The following SNRNP48 variants were observed in gnomAD, a reference collection of about 807,000 sequenced individuals.
SNRNP48 encodes the protein small nuclear ribonucleoprotein U11/U12 subunit 48.
Under a neutral mutation model 47.0 loss-of-function variants are expected in SNRNP48, and 43 were observed. The ratio of observed to expected loss-of-function variants is 0.92; its 90% CI spans 0.72 to 1.18. The LOEUF is 1.18. Ranked by LOEUF, SNRNP48 falls within the 50% of genes most tolerant of loss-of-function variation. The pLI, the probability that SNRNP48 is intolerant of heterozygous loss-of-function variation, is 0.00. For synonymous variants in SNRNP48, 138 were observed against 144.0 expected (o/e 0.96, Z 0.30); for missense variants, 396 against 422.2 (o/e 0.94, Z 0.54).
rs551639137 is a variant in SNRNP48, at chr6:7,596,699, G to A, written c.406+1598G>A. Among the ~76,000 whole-genome samples the A allele has an allele frequency of 1.2e-4, 18 of 152,240 alleles. 1 individual carries two copies. In the South Asian group the frequency reaches 3.7e-3, roughly 32 times the overall value. On this transcript the variant is annotated intron_variant, in intron 4 of 8. Coordinates refer to ENST00000342415, the MANE Select transcript of SNRNP48 (RefSeq NM_152551.4). Reference sequence around the variant, plus strand: ...TTTTGTCCCTGTCAGGGAAATTCCAGGTTTTTTTCTTTGAGGGAGACAGTT... The same window carrying A: ...TTTTGTCCCTGTCAGGGAAATTCCAAGTTTTTTTCTTTGAGGGAGACAGTT...
chr6:7,603,480 C>T (rs992512394), intron 6 of SNRNP48, among the ~76,000 whole-genome samples: 10 of 152,156 alleles, frequency 6.6e-5, no homozygotes, highest in African/African-American at 1.7e-4. Flanking sequence ...CATAATCTGG[C>T]CTCCTTTTCC....
intron 4 of SNRNP48, among the ~76,000 whole-genome samples, chr6:7,595,597 A>G (rs1293099735): frequency 6.6e-6 from 1 of 152,218 alleles, no homozygotes; most frequent in Non-Finnish European, 1.5e-5. Context: ...CATGTAAGTC[A>G]AGGAACATCT....
intron 1 of SNRNP48, 146 bp downstream of exon 1, chr6:7,590,559 A>T (rs2113711421): frequency 1.0e-6 from 1 of 984,760 alleles, no homozygotes; most frequent in Middle Eastern, 3.5e-4. Flanking sequence ...CTGGGACCCG[A>T]GGGGCGCCGG....
Position 7,590,397 on chromosome 6 carries a change from A to G in SNRNP48, c.140A>G (p.Glu47Gly). 1 of 1,323,498 alleles carries G rather than the reference A, an allele frequency of 7.6e-7. No individual in the cohort carries two copies. The highest frequency in any genetic ancestry group is 9.8e-7 in the Non-Finnish European group (1 of 1,024,790). The allele number at this position is 1,323,498 out of a possible 1,614,324, so 82.0% of individuals were successfully genotyped here. The change falls in exon 1 of 9, where the codon GAA (glutamate) becomes GGA (glycine). Residue 47 changes from glutamate to glycine, a missense_variant. Glu to Gly is a moderately conservative substitution (Grantham distance 98, BLOSUM62 -2). Coordinates refer to ENST00000342415, the MANE Select transcript of SNRNP48 (RefSeq NM_152551.4). ...GWDLDSLDPG[E>G]EEAAEDEVVI... ...GACCTAGATAGTCTGGATCCCGGGG[A>G]AGAGGAGGCGGCGGAGGTGAGGAGC...
At chr6:7,606,553 T>G (rs987336064) in intron 8 of SNRNP48, among the ~76,000 whole-genome samples, 7 of 152,222 alleles carry the variant, frequency 4.6e-5, no homozygotes, top group Admixed American at 1.3e-4. Flanking sequence ...TCTCTTATTC[T>G]TTCTTTCTTT....
At chr6:7,605,374 A>C in intron 6 of SNRNP48, 24 bp from the exon 7 acceptor site, 1 of 1,602,802 alleles carries the variant, frequency 6.2e-7, no homozygotes, top group Non-Finnish European at 8.5e-7. Flanking sequence ...TCTTACCTGA[A>C]GTTCGGTGCT....
At chr6:7,606,269 AC>A in intron 8 of SNRNP48, 74 bp downstream of exon 8, 1 of 1,380,822 alleles carries the variant, frequency 7.2e-7, no homozygotes, top group South Asian at 1.5e-5. Flanking sequence ...TCTGTTGTAG[AC>A]CATGCTGAGA....
intron 4 of SNRNP48, among the ~76,000 whole-genome samples, chr6:7,596,166 G>A (rs187708684): frequency 2.6e-5 from 4 of 152,088 alleles, no homozygotes; most frequent in Middle Eastern, 3.4e-3. Flanking sequence ...TCAGGAGACC[G>A]AGGCAGGAAG....
chr6:7,591,338 T>C (rs549389930), intron 1 of SNRNP48, among the ~76,000 whole-genome samples: 8 of 152,318 alleles, frequency 5.3e-5, no homozygotes, highest in African/African-American at 1.9e-4. Flanking sequence ...TGATTTTTGT[T>C]TTTTTGTGGG....
At chr6:7,593,255 A>T (rs1197454743) in intron 1 of SNRNP48, among the ~76,000 whole-genome samples, 1 of 152,122 alleles carries the variant, frequency 6.6e-6, no homozygotes, top group Non-Finnish European at 1.5e-5. Context: ...TAGGATATTT[A>T]GAGGAGACCA....
intron 4 of SNRNP48, among the ~76,000 whole-genome samples, chr6:7,598,186 C>T (rs1356351027): frequency 2.7e-5 from 4 of 150,370 alleles, no homozygotes; most frequent in African/African-American, 9.7e-5. Context: ...TTTATATGAT[C>T]TTCAACCTTC....
intron 3 of SNRNP48, 82 bp downstream of exon 3, chr6:7,594,241 T>A: frequency 1.6e-6 from 1 of 621,432 alleles, no homozygotes; most frequent in Non-Finnish European, 2.6e-6. Flanking sequence ...AAGAATGGAT[T>A]GTATAAGCAT....
chr6:7,601,432 T>C lies in SNRNP48; in HGVS notation c.503T>C (p.Val168Ala). The C allele has an allele frequency of 6.2e-7, 1 of 1,605,202 alleles. No homozygotes were observed. The highest frequency in any genetic ancestry group is 1.3e-5 in the African/African-American group (1 of 74,462). ...GATCGTCTTGCCCTCTATGATTTCG[T>C]AGTTGAGGAGACAAAGAAAAAGCGC... ...QADRLALYDFVVEETKKKRSD... is the reference protein window; with the variant it reads ...QADRLALYDFAVEETKKKRSD... The change falls in exon 5 of 9, where the codon GTA becomes GCA. Residue 168 changes from valine (V) to alanine (A), a missense_variant. Val to Ala is a moderately conservative substitution (Grantham distance 64, BLOSUM62 0). Coordinates refer to ENST00000342415, the MANE Select transcript of SNRNP48 (RefSeq NM_152551.4).
intron 1 of SNRNP48, among the ~76,000 whole-genome samples, chr6:7,592,909 G>A (rs1288142562): frequency 2.6e-5 from 4 of 152,112 alleles, no homozygotes; most frequent in Non-Finnish European, 5.9e-5. Flanking sequence ...GATTGGACGT[G>A]GGTGATGAGG....
At chr6:7,603,144 G>C (rs570605154) in intron 6 of SNRNP48, among the ~76,000 whole-genome samples, 1 of 152,102 alleles carries the variant, frequency 6.6e-6, no homozygotes, top group Admixed American at 6.5e-5. Context: ...ATCTTTGCAG[G>C]GTTGTTATGA....
intron 5 of SNRNP48, among the ~76,000 whole-genome samples, chr6:7,601,964 G>A (rs1366874765): frequency 1.3e-5 from 2 of 151,870 alleles, no homozygotes; most frequent in South Asian, 2.1e-4. Flanking sequence ...AGCAATTCTC[G>A]TGCCTCAGCC....
intron 4 of SNRNP48, among the ~76,000 whole-genome samples, chr6:7,596,510 A>G (rs530428939): frequency 6.6e-6 from 1 of 152,152 alleles, no homozygotes; most frequent in East Asian, 1.9e-4. Flanking sequence ...GAAATTGAGG[A>G]TCTTTACCAA....
chr6:7,594,539 C>A (rs547462042), intron 3 of SNRNP48, among the ~76,000 whole-genome samples: 67 of 152,288 alleles, frequency 4.4e-4, no homozygotes, highest in Admixed American at 8.5e-4. Flanking sequence ...TGTCCTGATT[C>A]AACTCCTGTT....
At chr6:7,601,585 T>C (rs967475217) in intron 5 of SNRNP48, 61 bp downstream of exon 5, 15 of 1,394,158 alleles carry the variant, frequency 1.1e-5, no homozygotes, top group African/African-American at 1.5e-5. Flanking sequence ...ATGAGTGTTA[T>C]TAAGATGATT....
Sources: allele counts gnomAD v4.1 joint callset (sites outside exome capture counted in the v4.1 genomes callset), GRCh38; gene constraint gnomAD v4.1.1; transcripts MANE v1.5; gene names NCBI Gene and HGNC (gene_info 2026-07-23, HGNC 2026-07-21).